Variants in XRCC4 observed in about 807,000 individuals in gnomAD.
XRCC4 encodes the protein DNA repair protein XRCC4.
In XRCC4, 28 loss-of-function variants were observed where a neutral mutation model predicts 39.1. The ratio of observed to expected loss-of-function variants is 0.72; its 90% confidence interval spans 0.53 to 0.98. The LOEUF (loss-of-function observed/expected upper bound fraction) is 0.98, where lower values mean the gene tolerates loss of function less well. Ranked by LOEUF, XRCC4 falls within the 50% of genes least tolerant of loss-of-function variation. XRCC4 has a pLI of 0.00. For synonymous variants in XRCC4, 123 were observed against 126.4 expected (o/e 0.97, Z 0.18); for missense variants, 350 against 376.4 (o/e 0.93, Z 0.58).
chr5:83,158,785 A>G (rs1749074238), intron 3 of XRCC4, among the ~76,000 whole-genome samples: 1 of 152,176 alleles, frequency 6.6e-6, no homozygotes, highest in Admixed American at 6.5e-5. Context: ...TATGAAATAG[A>G]TAGTATGATA....
At chr5:83,252,407 G>T (rs905676937) in intron 6 of XRCC4, among the ~76,000 whole-genome samples, 7 of 151,818 alleles carry the variant, frequency 4.6e-5, no homozygotes, top group Admixed American at 4.6e-4. Context: ...ATAATAGATG[G>T]TGGTTCTGTG....
At chr5:83,126,288 A>G (rs1747262338) in intron 3 of XRCC4, among the ~76,000 whole-genome samples, 1 of 152,034 alleles carries the variant, frequency 6.6e-6, no homozygotes, top group Non-Finnish European at 1.5e-5. Flanking sequence ...GTGGTATTAT[A>G]TTTTTAATTT....
intron 3 of XRCC4, among the ~76,000 whole-genome samples, chr5:83,132,654 T>G (rs1015103824): frequency 2.0e-5 from 3 of 152,120 alleles, no homozygotes; most frequent in Admixed American, 6.6e-5. Flanking sequence ...CTGATACCCT[T>G]TCTTCCACTT....
intron 7 of XRCC4, among the ~76,000 whole-genome samples, chr5:83,314,312 T>C (rs1755808183): frequency 6.6e-6 from 1 of 152,200 alleles, no homozygotes. Context: ...GTTGCCTAGT[T>C]AAAGAAAACC....
intron 6 of XRCC4, among the ~76,000 whole-genome samples, chr5:83,215,326 G>A (rs780922254): frequency 3.3e-5 from 5 of 152,072 alleles, no homozygotes; most frequent in Admixed American, 2.0e-4. Context: ...GTGACAGAGC[G>A]AGACCCTGTC....
chr5:83,145,097 G>A (rs779519194), intron 3 of XRCC4, among the ~76,000 whole-genome samples: 7 of 151,994 alleles, frequency 4.6e-5, no homozygotes, highest in South Asian at 2.1e-4. Flanking sequence ...TGGTTTCACC[G>A]TGTTAGCCAG....
At chr5:83,181,017 C>G (rs184482075) in intron 3 of XRCC4, among the ~76,000 whole-genome samples, 127 of 149,130 alleles carry the variant, frequency 8.5e-4, no homozygotes, top group Non-Finnish European at 1.5e-3. Flanking sequence ...AGTCCTGTAC[C>G]TGTCCCTCCC....
intron 6 of XRCC4, among the ~76,000 whole-genome samples, chr5:83,221,800 A>G (rs1170538489): frequency 6.6e-6 from 1 of 151,762 alleles, no homozygotes; most frequent in Non-Finnish European, 1.5e-5. Context: ...GTCCATTTAG[A>G]CATTAAAATA....
chr5:83,329,315 T>C (rs1475109441), intron 7 of XRCC4, among the ~76,000 whole-genome samples: 1 of 152,032 alleles, frequency 6.6e-6, no homozygotes, highest in African/African-American at 2.4e-5. Context: ...GAAGTGTTGG[T>C]ACATCAAAGA....
At chr5:83,198,030 G>T (rs961724013) in intron 4 of XRCC4, among the ~76,000 whole-genome samples, 1 of 152,146 alleles carries the variant, frequency 6.6e-6, no homozygotes, top group African/African-American at 2.4e-5. Context: ...TTGCATGCTG[G>T]AAAGGATTTA....
At chr5:83,298,443 TGAA>T (rs1447252797) in intron 7 of XRCC4, among the ~76,000 whole-genome samples, 3 of 152,006 alleles carry the variant, frequency 2.0e-5, no homozygotes, top group African/African-American at 7.2e-5. Context: ...TTTATCTTCC[TGAA>T]GAAGAGAATC....
intron 3 of XRCC4, among the ~76,000 whole-genome samples, chr5:83,179,982 T>G (rs142327281): frequency 7.9e-4 from 120 of 152,270 alleles, no homozygotes; most frequent in African/African-American, 2.7e-3. Context: ...AGTGTAAGAA[T>G]AGTGGTGAAG....
intron 7 of XRCC4, among the ~76,000 whole-genome samples, chr5:83,330,815 T>C (rs923450633): frequency 3.9e-5 from 6 of 152,096 alleles, no homozygotes; most frequent in African/African-American, 1.4e-4. Context: ...TTTTCCCTTT[T>C]AATGCTGGTA....
At chr5:83,142,442 A>C (rs28360073) in intron 3 of XRCC4, among the ~76,000 whole-genome samples, 18 of 152,370 alleles carry the variant, frequency 1.2e-4, no homozygotes, top group African/African-American at 4.3e-4. Context: ...TAATTACAAT[A>C]CTATATATCA....
chr5:83,303,039 C>A (rs1418974326), intron 7 of XRCC4, among the ~76,000 whole-genome samples: 1 of 151,858 alleles, frequency 6.6e-6, no homozygotes, highest in Non-Finnish European at 1.5e-5. Flanking sequence ...ATGGTGAAAC[C>A]CCGTCTCTGC....
At chr5:83,147,844 G>A (rs59940768) in intron 3 of XRCC4, among the ~76,000 whole-genome samples, 3,755 of 150,980 alleles carry the variant, frequency 0.025, 66 homozygotes, top group East Asian at 0.072. Context: ...AGGCTGGGGT[G>A]CAGTGGCACG....
chr5:83,099,350 A>C (rs1319831302), intron 1 of XRCC4, among the ~76,000 whole-genome samples: 1 of 152,186 alleles, frequency 6.6e-6, no homozygotes. Context: ...CTCAAGTTCA[A>C]AATGGTGTTA....
At position 83,289,429 on chromosome 5, in the gene XRCC4, T is replaced by G. The variant is rs138890252; in HGVS notation, c.893+30752T>G. ...CATTTGGGTAAGAATTGTGCTATAT[T>G]TAATGTTTGTTGTAGCTGTAGGTGT... is the stretch of plus-strand genomic sequence containing the variant. On this transcript the variant is annotated intron_variant, in intron 7 of 7. Coordinates refer to ENST00000396027, the MANE Select transcript of XRCC4 (RefSeq NM_003401.5). Among the ~76,000 whole-genome samples the G allele has an allele frequency of 6.7e-3, 1,020 of 151,976 alleles. 6 individuals carry two copies. The highest frequency in any genetic ancestry group is 0.011 in the Non-Finnish European group (736 of 67,852).
intron 6 of XRCC4, among the ~76,000 whole-genome samples, chr5:83,227,214 C>A (rs1324462617): frequency 6.6e-6 from 1 of 152,088 alleles, no homozygotes; most frequent in Non-Finnish European, 1.5e-5. Flanking sequence ...TTTCTCTCCA[C>A]TCCGTTGTCA....
Sources: allele counts gnomAD v4.1 joint callset (sites outside exome capture counted in the v4.1 genomes callset), GRCh38; gene constraint gnomAD v4.1.1; transcripts MANE v1.5; gene names NCBI Gene and HGNC (gene_info 2026-07-23, HGNC 2026-07-21).